The following CDKAL1 variants were observed in gnomAD, a reference collection of about 807,000 sequenced individuals.
CDKAL1 encodes threonylcarbamoyladenosine tRNA methylthiotransferase.
In CDKAL1, 32 loss-of-function variants were observed where a neutral mutation model predicts 68.2. That is an observed-to-expected ratio of 0.47 (90% confidence interval 0.35 to 0.63). The LOEUF (loss-of-function observed/expected upper bound fraction) is 0.63. Among genes scored for constraint, CDKAL1 ranks in the 30% least tolerant of loss-of-function variants. The pLI, the probability that CDKAL1 is intolerant of heterozygous loss-of-function variation, is 0.00. For synonymous variants in CDKAL1, 234 were observed against 244.3 expected (o/e 0.96, Z 0.39); for missense variants, 606 against 696.7 (o/e 0.87, Z 1.47).
At chr6:20,637,762 C>A (rs1458471261) in intron 4 of CDKAL1, among the ~76,000 whole-genome samples, 3 of 152,172 alleles carry the variant, frequency 2.0e-5, no homozygotes, top group Non-Finnish European at 4.4e-5. Context: ...CAGCATATAG[C>A]CACTGCTGTG....
At chr6:21,080,681 G>T (rs534211196) in intron 12 of CDKAL1, among the ~76,000 whole-genome samples, 1 of 150,238 alleles carries the variant, frequency 6.7e-6, no homozygotes, top group East Asian at 2.4e-4. Context: ...TTTTTGTTTA[G>T]CCCCAATGTG....
At chr6:20,564,262 A>G (rs1294021571) in intron 4 of CDKAL1, among the ~76,000 whole-genome samples, 1 of 152,210 alleles carries the variant, frequency 6.6e-6, no homozygotes, top group East Asian at 1.9e-4. Flanking sequence ...ATATATTTAT[A>G]AAGCTTAAAT....
intron 6 of CDKAL1, among the ~76,000 whole-genome samples, chr6:20,739,943 A>G (rs936413395): frequency 6.6e-6 from 1 of 152,148 alleles, no homozygotes; most frequent in Non-Finnish European, 1.5e-5. Flanking sequence ...TCACTCAGCT[A>G]CTTGCTTTTC....
At chr6:21,120,690 A>C (rs1482824628) in intron 13 of CDKAL1, among the ~76,000 whole-genome samples, 1 of 152,216 alleles carries the variant, frequency 6.6e-6, no homozygotes, top group East Asian at 1.9e-4. Flanking sequence ...TTAAAAATTT[A>C]AATATTATCA....
intron 6 of CDKAL1, among the ~76,000 whole-genome samples, chr6:20,742,651 A>G (rs1408518978): frequency 6.6e-6 from 1 of 151,894 alleles, no homozygotes; most frequent in East Asian, 1.9e-4. Context: ...GGAAATATGC[A>G]TAATACATTA....
intron 11 of CDKAL1, among the ~76,000 whole-genome samples, chr6:21,061,858 A>G (rs140461722): frequency 6.6e-6 from 1 of 152,318 alleles, no homozygotes; most frequent in East Asian, 1.9e-4. Flanking sequence ...ATCAGTTTGT[A>G]TTCTTATATA....
At chr6:21,012,146 A>C (rs1768059205) in intron 11 of CDKAL1, among the ~76,000 whole-genome samples, 1 of 152,190 alleles carries the variant, frequency 6.6e-6, no homozygotes, top group South Asian at 2.1e-4. Flanking sequence ...CTTCCCTTGT[A>C]ATACTTCCTG....
intron 9 of CDKAL1, among the ~76,000 whole-genome samples, chr6:20,883,029 C>T (rs979605625): frequency 9.9e-5 from 15 of 151,972 alleles, no homozygotes; most frequent in African/African-American, 3.6e-4. Flanking sequence ...TTTGTATGCT[C>T]TGAGATAATT....
chr6:20,955,723 G>A lies in CDKAL1; in HGVS notation c.909+138G>A, dbSNP rs543613152. The A allele has an allele frequency of 9.1e-4, 603 of 661,410 alleles. 3 individuals are homozygous for A. The highest frequency in any genetic ancestry group is 1.2e-3 in the Non-Finnish European group (511 of 412,930). The allele number at this position is 661,410 out of a possible 1,614,324, so 41.0% of individuals were successfully genotyped here. On this transcript the variant is annotated intron_variant, in intron 10 of 15. Transcript: ENST00000274695. ...TTTGTAGTCCCGCATTTCCAAGAAT[G>A]AATCAAGACTTTCAAATCCCCTTCT...
intron 4 of CDKAL1, among the ~76,000 whole-genome samples, chr6:20,634,167 T>C (rs1386823090): frequency 1.3e-5 from 2 of 152,194 alleles, no homozygotes; most frequent in East Asian, 1.9e-4. Context: ...GGCAGTTTGC[T>C]AGTGAGTGGT....
intron 4 of CDKAL1, among the ~76,000 whole-genome samples, chr6:20,555,949 C>T (rs563334099): frequency 4.1e-4 from 63 of 152,144 alleles, no homozygotes; most frequent in Non-Finnish European, 8.4e-4. Flanking sequence ...ATATGTAACC[C>T]TTATTAGAAG....
chr6:21,140,950 G>A (rs921171542), intron 13 of CDKAL1, among the ~76,000 whole-genome samples: 2 of 152,072 alleles, frequency 1.3e-5, no homozygotes, highest in East Asian at 3.9e-4. Context: ...AAGCAAAAGC[G>A]GAAACCCCTG....
intron 8 of CDKAL1, among the ~76,000 whole-genome samples, chr6:20,797,095 C>T (rs767428296): frequency 6.6e-6 from 1 of 152,116 alleles, no homozygotes; most frequent in African/African-American, 2.4e-5. Context: ...AAGCAATCTG[C>T]AGGCTGGGAG....
At chr6:20,990,514 TAGC>T (rs1766736738) in intron 10 of CDKAL1, among the ~76,000 whole-genome samples, 2 of 152,240 alleles carry the variant, frequency 1.3e-5, no homozygotes, top group African/African-American at 2.4e-5. Context: ...CGTTAACTCT[TAGC>T]AGTTTAGAAG....
intron 2 of CDKAL1, among the ~76,000 whole-genome samples, chr6:20,542,933 G>A (rs1248036775): frequency 6.6e-6 from 1 of 152,184 alleles, no homozygotes; most frequent in Non-Finnish European, 1.5e-5. Flanking sequence ...AACCTTTTGG[G>A]ATTGAATTTC....
intron 8 of CDKAL1, among the ~76,000 whole-genome samples, chr6:20,811,462 C>T (rs1776813326): frequency 6.6e-6 from 1 of 151,932 alleles, no homozygotes; most frequent in East Asian, 1.9e-4. Context: ...TTTTTTCTTT[C>T]TTCGTTTTTT....
intron 9 of CDKAL1, among the ~76,000 whole-genome samples, chr6:20,853,855 A>G (rs145826957): frequency 3.4e-4 from 52 of 152,318 alleles, no homozygotes; most frequent in African/African-American, 1.2e-3. Context: ...AGTCTGAGGA[A>G]AAACCCTGGT....
chr6:20,884,612 A>G (rs1760981637), intron 9 of CDKAL1, among the ~76,000 whole-genome samples: 1 of 152,238 alleles, frequency 6.6e-6, no homozygotes, highest in South Asian at 2.1e-4. Flanking sequence ...ATCCCAAAGA[A>G]TCTACAAGAA....
chr6:21,079,381 C>G (rs1404537565), intron 12 of CDKAL1, among the ~76,000 whole-genome samples: 1 of 152,130 alleles, frequency 6.6e-6, no homozygotes, highest in South Asian at 2.1e-4. Flanking sequence ...ACAGAGGAAT[C>G]AGAAAGCCCA....
Sources: gnomAD v4.1 joint callset for allele counts (sites outside exome capture counted in the v4.1 genomes callset) on GRCh38, gnomAD v4.1.1 for gene constraint, MANE v1.5 for transcripts, NCBI Gene and HGNC (gene_info 2026-07-23, HGNC 2026-07-21) for gene names.